ZNF430: variants seen among roughly 807,000 people sequenced by gnomAD.
The protein encoded by ZNF430 is zinc finger protein 430.
Under a neutral mutation model 56.7 loss-of-function variants are expected in ZNF430, and 35 were observed. The ratio of observed to expected loss-of-function variants is 0.62; its 90% CI spans 0.47 to 0.82. The LOEUF (loss-of-function observed/expected upper bound fraction) is 0.82. Ranked by LOEUF, ZNF430 falls within the 40% of genes least tolerant of loss-of-function variation. The pLI is 0.00. For missense variants in ZNF430, 574 were observed against 661.0 expected, an observed-to-expected ratio of 0.87 and a Z score of 1.44; for synonymous variants, 212 against 224.3, an observed-to-expected ratio of 0.94 and a Z score of 0.49.
chr19:21,022,554 T>C (rs1967712510), intron 1 of ZNF430, among the ~76,000 whole-genome samples: 1 of 152,170 alleles, frequency 6.6e-6, no homozygotes. Context: ...TTGTAAAAAC[T>C]CTCTGTGCTT....
chr19:21,059,503 A>G lies in ZNF430; in HGVS notation c.*1482A>G, dbSNP rs1968433087. ...GAGTGCAGTGAACTGAAATTGCGCC[A>G]TTGCACTCCAGCCTGGGCAACAAGA... is the stretch of plus-strand genomic sequence containing the variant. On this transcript the variant is annotated 3_prime_UTR_variant, in exon 5 of 5. Coordinates refer to ENST00000261560, the MANE Select transcript of ZNF430 (RefSeq NM_025189.4). 1 of 145,778 alleles carries G rather than the reference A, an allele frequency of 6.9e-6. No homozygotes were observed. The allele number at this position is 145,778 out of a possible 1,614,324, so 9.0% of individuals were successfully genotyped here.
At chr19:21,038,490 C>T (rs1258762706) in intron 4 of ZNF430, among the ~76,000 whole-genome samples, 1 of 151,558 alleles carries the variant, frequency 6.6e-6, no homozygotes, top group Non-Finnish European at 1.5e-5. Flanking sequence ...TGCAGTGGCT[C>T]GATCTCAGCT....
At position 21,058,965 on chromosome 19, in the gene ZNF430, G is replaced by C. The variant is rs568833644; in HGVS notation, c.*944G>C. ...ATTTTATTGTACACATTTTGTACTA[G>C]AAGAAAACTCTGAAGTAGTTGCTCA... On this transcript the variant is annotated 3_prime_UTR_variant, in exon 5 of 5. Coordinates refer to ENST00000261560, the MANE Select transcript of ZNF430 (RefSeq NM_025189.4). 6.6e-6 allele frequency: 1 copy of C among 152,290 alleles called. No homozygotes were observed. The highest frequency in any genetic ancestry group is 2.4e-5 in the African/African-American group (1 of 41,566). The allele number at this position is 152,290 out of a possible 1,614,324, so 9.4% of individuals were successfully genotyped here.
intron 2 of ZNF430, among the ~76,000 whole-genome samples, 151 bp from the exon 3 acceptor site, chr19:21,033,303 CAA>C (rs111525322): frequency 2.9e-5 from 4 of 135,846 alleles, no homozygotes; most frequent in Non-Finnish European, 3.2e-5. Flanking sequence ...GCCTCTGTCT[CAA>C]AAAAAAAAAA....
rs751142043 is a variant in ZNF430 at position 21,020,805 on chromosome 19, TGA to T, written c.3+6_3+7del. 1 of 1,613,658 alleles carries T rather than the reference TGA, an allele frequency of 6.2e-7. No individual in the cohort carries two copies. The highest frequency in any genetic ancestry group is 1.3e-5 in the African/African-American group (1 of 74,876). ...GGAACCCCTGGAAGCCTAGAAATGG[TGA>T]GAGTGCCGGGTCCGACATCCCCAGA... On this transcript the variant is annotated splice_donor_region_variant and intron_variant, in intron 1 of 4. Transcript: ENST00000261560.
chr19:21,044,445 G>T (rs964008515), intron 4 of ZNF430, among the ~76,000 whole-genome samples: 1 of 152,276 alleles, frequency 6.6e-6, no homozygotes, highest in East Asian at 1.9e-4. Flanking sequence ...CTTGATCGCG[G>T]TGGATAAGCT....
rs1470302441 is a variant in ZNF430 at position 21,058,563 on chromosome 19, T to A, written c.*542T>A. The A allele has an allele frequency of 6.2e-6, 1 of 161,246 alleles. No homozygotes were observed. The highest frequency in any genetic ancestry group is 1.4e-5 in the Non-Finnish European group (1 of 69,470). The allele number at this position is 161,246 out of a possible 1,614,324, so 10.0% of individuals were successfully genotyped here. ...CATAAAAAATCATACTGGTGAGAAA[T>A]CCTAGAAATGTAAAGAATGTGACAA... On this transcript the variant is annotated 3_prime_UTR_variant, in exon 5 of 5. Coordinates refer to ENST00000261560, the MANE Select transcript of ZNF430 (RefSeq NM_025189.4).
intron 1 of ZNF430, among the ~76,000 whole-genome samples, chr19:21,021,986 T>A (rs751814673): frequency 3.9e-5 from 6 of 152,130 alleles, no homozygotes; most frequent in South Asian, 2.1e-4. Flanking sequence ...TACAAGCGCC[T>A]GCCACCCTGC....
At chr19:21,045,529 G>A (rs551392004) in intron 4 of ZNF430, among the ~76,000 whole-genome samples, 1 of 152,266 alleles carries the variant, frequency 6.6e-6, no homozygotes, top group African/African-American at 2.4e-5. Context: ...TGACACTTAG[G>A]AGAATGTGTA....
chr19:21,037,369 C>A (rs557398618), intron 4 of ZNF430, among the ~76,000 whole-genome samples: 1 of 152,074 alleles, frequency 6.6e-6, no homozygotes, highest in Non-Finnish European at 1.5e-5. Context: ...CTGCCATCCT[C>A]GGCCTCCCAA....
rs952526629 is a variant in ZNF430, at chr19:21,058,109, A to C, written c.*88A>C. 3.2e-6 allele frequency: 4 copies of C among 1,262,930 alleles called. No individual in the cohort carries two copies. The African/African-American group carries it at 6.0e-5, about 19-fold the overall frequency. 78.2% of individuals were successfully genotyped at this position (1,262,930 alleles called of 1,614,324 possible). On this transcript the variant is annotated 3_prime_UTR_variant, in exon 5 of 5. Coordinates refer to ENST00000261560, the MANE Select transcript of ZNF430 (RefSeq NM_025189.4). The stretch of plus-strand genomic sequence containing the variant: ...AAGAGGAACCCTATGAGTGTGAAGA[A>C]TATGGCAAAGCCTTCAACAAGTCCT...
At chr19:21,036,214 G>A (rs80206181) in intron 4 of ZNF430, 13 of 163,266 alleles carry the variant, frequency 8.0e-5, no homozygotes, top group Non-Finnish European at 1.4e-4. Flanking sequence ...AGATATATAT[G>A]TGTGTGTGTG....
chr19:21,026,033 A>G, intron 2 of ZNF430: 2 of 352,046 alleles, frequency 5.7e-6, no homozygotes, highest in Non-Finnish European at 1.1e-5. Flanking sequence ...CTCTGGATGC[A>G]CTCCTGGATC....
intron 1 of ZNF430, 132 bp from the exon 2 acceptor site, chr19:21,022,657 C>T: frequency 1.4e-6 from 1 of 711,660 alleles, no homozygotes; most frequent in South Asian, 1.7e-5. Context: ...GGTGTTGTGT[C>T]CTCAGTCACC....
chr19:21,049,173 CAAAAAA>C (rs746043747), intron 4 of ZNF430, among the ~76,000 whole-genome samples: 113 of 65,276 alleles, frequency 1.7e-3, no homozygotes, highest in South Asian at 6.3e-3. Context: ...GACTCCATCT[CAAAAAA>C]AAAAAAAAAA....
intron 2 of ZNF430, among the ~76,000 whole-genome samples, chr19:21,026,830 T>TTC (rs1458175806): frequency 3.9e-5 from 3 of 77,520 alleles, no homozygotes; most frequent in African/African-American, 1.2e-4. Flanking sequence ...TTCTTTTCTT[T>TTC]TTTTTTTTTT....
intron 2 of ZNF430, among the ~76,000 whole-genome samples, chr19:21,029,122 T>C (rs1967856257): frequency 6.6e-6 from 1 of 152,240 alleles, no homozygotes; most frequent in African/African-American, 2.4e-5. Flanking sequence ...TGTTTTCATT[T>C]TATATGGCCA....
intron 2 of ZNF430, among the ~76,000 whole-genome samples, chr19:21,031,912 T>G (rs1352332036): frequency 6.6e-6 from 1 of 152,216 alleles, no homozygotes. Context: ...CAAGGCTGTC[T>G]GCAAAACATT....
intron 4 of ZNF430, among the ~76,000 whole-genome samples, chr19:21,043,703 T>G (rs1298342993): frequency 6.6e-6 from 1 of 152,198 alleles, no homozygotes. Flanking sequence ...CTTTTGGCAG[T>G]ATGGCCGTTT....
Sources: gnomAD v4.1 joint callset for allele counts (sites outside exome capture counted in the v4.1 genomes callset) on GRCh38, gnomAD v4.1.1 for gene constraint, MANE v1.5 for transcripts, NCBI Gene and HGNC (gene_info 2026-07-23, HGNC 2026-07-21) for gene names.